CSMD1: variants seen among roughly 807,000 people sequenced by gnomAD.
The protein encoded by CSMD1 is CUB and Sushi multiple domains 1.
Under a neutral mutation model 417.5 loss-of-function variants are expected in CSMD1, and 213 were observed. The observed-to-expected ratio is 0.51, with a 90% CI of 0.46 to 0.57. The LOEUF is 0.57. Ranked by LOEUF, CSMD1 falls within the 20% of genes least tolerant of loss-of-function variation. CSMD1 has a pLI of 0.00. For missense variants in CSMD1, 6,923 were observed against 4,529.7 expected (o/e 1.53, Z -15.17); for synonymous variants, 2,862 against 1,736.8 (o/e 1.65, Z -16.11).
At chr8:3,131,359 A>G in intron 41 of CSMD1, among the ~76,000 whole-genome samples, 1 of 151,860 alleles carries the variant, frequency 6.6e-6, no homozygotes, top group Admixed American at 6.5e-5. Context: ...AAGAAAAAAA[A>G]GAAAAAATAA....
chr8:4,832,704 G>C (rs1563530476), intron 1 of CSMD1, among the ~76,000 whole-genome samples: 1 of 152,138 alleles, frequency 6.6e-6, no homozygotes, highest in Non-Finnish European at 1.5e-5. Flanking sequence ...ATGTAACAAA[G>C]ATTTCCATTT....
chr8:4,805,726 A>C (rs1177739290), intron 1 of CSMD1, among the ~76,000 whole-genome samples: 1 of 152,182 alleles, frequency 6.6e-6, no homozygotes, highest in African/African-American at 2.4e-5. Context: ...TTATATTATA[A>C]TTTGTTCAAA....
chr8:4,193,405 C>G (rs965255482), intron 3 of CSMD1, among the ~76,000 whole-genome samples: 5 of 151,720 alleles, frequency 3.3e-5, no homozygotes, highest in African/African-American at 1.2e-4. Context: ...CCTGGGCTTC[C>G]AAGTCTGTTT....
chr8:3,405,566 T>C (rs111404128), intron 15 of CSMD1, among the ~76,000 whole-genome samples: 35 of 152,198 alleles, frequency 2.3e-4, no homozygotes, highest in African/African-American at 6.7e-4. Context: ...TATTTGAAGA[T>C]TGGGTACTTG....
At chr8:4,092,535 T>C (rs1047226012) in intron 3 of CSMD1, among the ~76,000 whole-genome samples, 1 of 152,178 alleles carries the variant, frequency 6.6e-6, no homozygotes, top group Non-Finnish European at 1.5e-5. Context: ...AATAGAAGTA[T>C]TTTGGAAAAT....
At position 4,938,234 on chromosome 8, in the gene CSMD1, C is replaced by G. The variant is rs953618410; in HGVS notation, c.85+56098G>C. Among the ~76,000 whole-genome samples, 32 of 152,114 alleles carry G rather than the reference C, an allele frequency of 2.1e-4. 1 individual carries two copies. Among genetic ancestry groups the G allele is most frequent in the Non-Finnish European group, 5.9e-5 (4 of 68,028 alleles). On this transcript the variant is annotated intron_variant, in intron 1 of 69. Transcript: ENST00000635120. ...GTGAAGCTCTGGAGTGACTGGTACA[C>G]TAGAAAATGGATTTCAATAATTTCC...
intron 18 of CSMD1, among the ~76,000 whole-genome samples, chr8:3,374,051 CA>C (rs1328773338): frequency 6.6e-6 from 1 of 150,746 alleles, no homozygotes; most frequent in East Asian, 2.0e-4. Context: ...CTCCCGGGTT[CA>C]AGCAATTCTC....
At chr8:3,491,231 G>T (rs1449918225) in intron 11 of CSMD1, among the ~76,000 whole-genome samples, 2 of 152,124 alleles carry the variant, frequency 1.3e-5, no homozygotes, top group South Asian at 4.1e-4. Flanking sequence ...CAAGATCCTG[G>T]AGCAGTATCA....
At chr8:4,042,294 G>A (rs1261087675) in intron 3 of CSMD1, among the ~76,000 whole-genome samples, 1 of 152,120 alleles carries the variant, frequency 6.6e-6, no homozygotes, top group Admixed American at 6.6e-5. Context: ...TACTAGTGGG[G>A]GTAGGAGTAA....
At chr8:3,601,593 G>C (rs372952344) in intron 8 of CSMD1, among the ~76,000 whole-genome samples, 1 of 152,116 alleles carries the variant, frequency 6.6e-6, no homozygotes, top group African/African-American at 2.4e-5. Context: ...ACAATCTACT[G>C]TAGAATAAGA....
At chr8:4,046,331 TA>T (rs530709552) in intron 3 of CSMD1, among the ~76,000 whole-genome samples, 33 of 152,322 alleles carry the variant, frequency 2.2e-4, no homozygotes, top group Admixed American at 1.2e-3. Flanking sequence ...AGTTAGCTTC[TA>T]AAAATAGACT....
intron 3 of CSMD1, among the ~76,000 whole-genome samples, chr8:4,076,888 C>G (rs1415434372): frequency 6.6e-6 from 1 of 152,058 alleles, no homozygotes; most frequent in East Asian, 1.9e-4. Flanking sequence ...TCTTTCCAGT[C>G]TGAAGAACTA....
At chr8:3,219,664 A>G (rs972219636) in intron 28 of CSMD1, among the ~76,000 whole-genome samples, 2 of 152,186 alleles carry the variant, frequency 1.3e-5, no homozygotes, top group Non-Finnish European at 2.9e-5. Flanking sequence ...AATTACCATC[A>G]TGTTCAATAC....
intron 3 of CSMD1, among the ~76,000 whole-genome samples, chr8:4,169,789 G>T (rs1224193748): frequency 6.6e-6 from 1 of 152,052 alleles, no homozygotes; most frequent in Admixed American, 6.5e-5. Flanking sequence ...ACCGTTAAAC[G>T]TATCTTCCTT....
intron 6 of CSMD1, among the ~76,000 whole-genome samples, chr8:3,713,984 G>T (rs1044494402): frequency 2.6e-5 from 4 of 151,712 alleles, no homozygotes; most frequent in Non-Finnish European, 5.9e-5. Context: ...CAATAATATT[G>T]AAATCTTTGT....
chr8:4,431,992 T>A (rs1299369135), intron 2 of CSMD1, among the ~76,000 whole-genome samples: 2 of 152,202 alleles, frequency 1.3e-5, no homozygotes, highest in African/African-American at 4.8e-5. Context: ...ATGCACTTCA[T>A]TATATTTGTC....
chr8:4,098,779 T>C (rs1375142188), intron 3 of CSMD1, among the ~76,000 whole-genome samples: 1 of 152,178 alleles, frequency 6.6e-6, no homozygotes, highest in Non-Finnish European at 1.5e-5. Context: ...AGAATTGCAG[T>C]CATTACTAAT....
At chr8:3,656,806 T>C (rs140748355) in intron 7 of CSMD1, among the ~76,000 whole-genome samples, 2 of 151,944 alleles carry the variant, frequency 1.3e-5, no homozygotes, top group Non-Finnish European at 2.9e-5. Flanking sequence ...ATCCCTGTAG[T>C]CCCAGCTATT....
chr8:3,340,107 A>G (rs1018624202), intron 23 of CSMD1, among the ~76,000 whole-genome samples: 6 of 152,202 alleles, frequency 3.9e-5, no homozygotes, highest in Admixed American at 1.3e-4. Flanking sequence ...TGCCTGCCAA[A>G]TGAGGATCAC....
Sources: gnomAD v4.1 joint callset for allele counts (sites outside exome capture counted in the v4.1 genomes callset) on GRCh38, gnomAD v4.1.1 for gene constraint, MANE v1.5 for transcripts, NCBI Gene and HGNC (gene_info 2026-07-23, HGNC 2026-07-21) for gene names.